Variants in DCBLD1 observed in about 807,000 individuals in gnomAD.
DCBLD1 encodes discoidin, CUB and LCCL domain containing 1, also known as discoidin, CUB and LCCL domain-containing protein 1.
A neutral mutation model predicts 71.5 loss-of-function variants in DCBLD1; 57 were observed. That is an observed-to-expected ratio of 0.80 (90% confidence interval 0.64 to 0.99). The LOEUF (loss-of-function observed/expected upper bound fraction) is 0.99, where lower values mean the gene tolerates loss of function less well. Ranked by LOEUF, DCBLD1 falls within the 50% of genes least tolerant of loss-of-function variation. The probability of loss-of-function intolerance (pLI) is 0.00; values close to 1 mark genes in which losing one functional copy is unlikely to be tolerated. For synonymous variants in DCBLD1, 380 were observed against 363.8 expected, an observed-to-expected ratio of 1.04 and a Z score of -0.51; for missense variants, 891 against 923.5, an observed-to-expected ratio of 0.96 and a Z score of 0.46.
chr6:117,550,147 A>G (rs1779402735), downstream of DCBLD1, among the ~76,000 whole-genome samples: 1 of 152,220 alleles, frequency 6.6e-6, no homozygotes, highest in South Asian at 2.1e-4. Flanking sequence ...GACCATAAGC[A>G]TAGGCCTAGA....
chr6:117,503,702 C>T, intron 1 of DCBLD1, 65 bp from the exon 2 acceptor site: 1 of 1,559,826 alleles, frequency 6.4e-7, no homozygotes. Flanking sequence ...GTATTGGACT[C>T]TCAATCCTCA....
rs545137729 is a variant in DCBLD1 at position 117,495,194 on chromosome 6, A to G, written c.113-8573A>G. Among the ~76,000 whole-genome samples, 4 of 152,174 alleles carry G rather than the reference A, an allele frequency of 2.6e-5. No homozygotes were observed. In the South Asian group the frequency reaches 8.3e-4, roughly 32 times the overall value. ...ACTTTCTCAGCCGATTAAAGCACAC[A>G]CACACAGCCTTATTCATCTTCACCA... is the stretch of plus-strand genomic sequence containing the variant. On this transcript the variant is annotated intron_variant, in intron 1 of 14. Coordinates refer to ENST00000338728, the MANE Select transcript of DCBLD1 (RefSeq NM_001366458.2).
chr6:117,508,542 C>T (rs1197635954), intron 2 of DCBLD1, among the ~76,000 whole-genome samples: 1 of 152,304 alleles, frequency 6.6e-6, no homozygotes, highest in African/African-American at 2.4e-5. Context: ...CTACTCTTAA[C>T]TTTACAGCTC....
intron 13 of DCBLD1, among the ~76,000 whole-genome samples, chr6:117,545,169 C>T (rs893828108): frequency 6.6e-6 from 1 of 151,930 alleles, no homozygotes; most frequent in African/African-American, 2.4e-5. Context: ...GTCTCCTCTG[C>T]CTCACAGATG....
intron 1 of DCBLD1, among the ~76,000 whole-genome samples, chr6:117,491,434 C>T (rs138433570): frequency 4.5e-4 from 69 of 152,274 alleles, no homozygotes; most frequent in African/African-American, 1.3e-3. Flanking sequence ...TACCTACTGT[C>T]ACTGCCAGCT....
At chr6:117,557,118 T>C (rs1027989067) in intron 14 of DCBLD1, among the ~76,000 whole-genome samples, 3 of 152,218 alleles carry the variant, frequency 2.0e-5, no homozygotes, top group African/African-American at 7.2e-5. Context: ...TAAATCAAGC[T>C]TGTTGTTCAA....
At position 117,506,946 on chromosome 6, in the gene DCBLD1, A is replaced by G. The variant is rs1777863834; in HGVS notation, c.325+2967A>G. Among the ~76,000 whole-genome samples the G allele has an allele frequency of 2.0e-5, 3 of 152,240 alleles. No individual in the cohort carries two copies. In the South Asian group the frequency reaches 6.2e-4, roughly 32 times the overall value. ...TTCTGTGTGTGGCTGAAACAGAAGA[A>G]TCGTTTTAGTTTATCCTGCCCGATA... On this transcript the variant is annotated intron_variant, in intron 2 of 14. Coordinates refer to ENST00000338728, the MANE Select transcript of DCBLD1 (RefSeq NM_001366458.2).
At chr6:117,483,357 C>T (rs1004484640) in intron 1 of DCBLD1, among the ~76,000 whole-genome samples, 3 of 152,238 alleles carry the variant, frequency 2.0e-5, no homozygotes, top group African/African-American at 7.2e-5. Context: ...TGCCGTCGCT[C>T]CTCCCGCGCG....
chr6:117,491,353 C>T (rs926958129), intron 1 of DCBLD1, among the ~76,000 whole-genome samples: 1 of 152,010 alleles, frequency 6.6e-6, no homozygotes, highest in Admixed American at 6.6e-5. Flanking sequence ...TTTTGGGATC[C>T]CTGGAAAGCT....
chr6:117,547,863 C>G (rs748674895), intron 14 of DCBLD1, 44 bp from the exon 15 acceptor site: 3 of 1,550,128 alleles, frequency 1.9e-6, no homozygotes, highest in African/African-American at 2.7e-5. Context: ...ACAGGCCGGC[C>G]CGTGTGTGGT....
chr6:117,549,830 G>A (rs1332206992), downstream of DCBLD1: 64 of 985,242 alleles, frequency 6.5e-5, no homozygotes, highest in Non-Finnish European at 7.6e-5. Flanking sequence ...AGCCCTGCTC[G>A]CTGGGGTGTT....
chr6:117,544,292 T>A, intron 12 of DCBLD1: 1 of 411,416 alleles, frequency 2.4e-6, no homozygotes, highest in Non-Finnish European at 4.2e-6. Context: ...ATATGCAAAA[T>A]AAGATTAGTA....
chr6:117,548,010 TG>T lies in DCBLD1; in HGVS notation c.1720del (p.Ala574ProfsTer69), dbSNP rs1313919408. The T allele has an allele frequency of 6.5e-7, 1 of 1,550,292 alleles. No individual in the cohort carries two copies. The highest frequency in any genetic ancestry group is 8.7e-7 in the Non-Finnish European group (1 of 1,146,892). On this transcript the variant is annotated frameshift_variant, in exon 15 of 15. Transcript: ENST00000338728. LOFTEE classifies it low-confidence loss of function (END_TRUNC). ...DAEEAGVSTDAGGHYDCPQRA... is the reference protein window; with the variant it reads ...DAEEAGVSTDXGGHYDCPQRA... ...CCGAGGAGGCAGGGGTGAGCACCGA[TG>T]CCGGCGGCCACTATGACTGCCCGCA...
rs536689194 is a variant in DCBLD1 at position 117,555,829 on chromosome 6, A to G, written c.1615+10232A>G. ...TTCTACTGCAGTTGGCAAGCATGGA[A>G]AAAATAAAAATAATTGTTGGAATAG... On this transcript the variant is annotated intron_variant, in intron 14 of 14. Transcript: ENST00000296955. Among the ~76,000 whole-genome samples the G allele has an allele frequency of 1.7e-4, 26 of 152,354 alleles. No homozygotes were observed. The East Asian group carries it at 4.8e-3, about 28-fold the overall frequency.
intron 3 of DCBLD1, among the ~76,000 whole-genome samples, chr6:117,520,867 G>C (rs210646): frequency 0.39 from 58,879 of 152,096 alleles, 12,194 homozygotes; most frequent in Non-Finnish European, 0.45. Flanking sequence ...TGCATTGCCA[G>C]TGTTCACCAT....
At chr6:117,550,907 C>T (rs929191043), downstream of DCBLD1, among the ~76,000 whole-genome samples, 2 of 152,174 alleles carry the variant, frequency 1.3e-5, no homozygotes, top group African/African-American at 2.4e-5. Flanking sequence ...GTCTCTCCCC[C>T]AGATCTGAGA....
chr6:117,482,982 TACGGGGC>T (rs1776952891), intron 1 of DCBLD1, 89 bp downstream of exon 1: 25 of 581,772 alleles, frequency 4.3e-5, no homozygotes, highest in Non-Finnish European at 4.9e-5. Context: ...GGCCGAGGGC[TACGGGGC>T]GGGCCGGGCC....
At chr6:117,519,761 G>A (rs1338409810) in intron 2 of DCBLD1, 55 bp from the exon 3 acceptor site, 29 of 1,580,228 alleles carry the variant, frequency 1.8e-5, no homozygotes, top group Middle Eastern at 1.7e-4. Flanking sequence ...CCATATACCA[G>A]TCATTTGTGC....
At chr6:117,519,107 G>A (rs1416809972) in intron 2 of DCBLD1, among the ~76,000 whole-genome samples, 1 of 152,180 alleles carries the variant, frequency 6.6e-6, no homozygotes, top group African/African-American at 2.4e-5. Flanking sequence ...ACTTCAGTTT[G>A]AGTAGTCTTA....
Sources: gnomAD v4.1 joint callset for allele counts (sites outside exome capture counted in the v4.1 genomes callset) on GRCh38, gnomAD v4.1.1 for gene constraint, MANE v1.5 for transcripts, NCBI Gene and HGNC (gene_info 2026-07-23, HGNC 2026-07-21) for gene names.